Variants in MCFD2 observed in about 807,000 individuals in gnomAD.
The protein encoded by MCFD2 is multiple coagulation factor deficiency 2, ER cargo receptor complex subunit.
A neutral mutation model predicts 12.8 loss-of-function variants in MCFD2; 11 were observed. The observed-to-expected ratio is 0.86, with a 90% CI of 0.54 to 1.42. The LOEUF (loss-of-function observed/expected upper bound fraction) is 1.42, where lower values mean the gene tolerates loss of function less well. Ranked by LOEUF, MCFD2 falls within the 40% of genes most tolerant of loss-of-function variation. The pLI, the probability that MCFD2 is intolerant of heterozygous loss-of-function variation, is 0.00. For synonymous variants in MCFD2, 70 were observed against 68.1 expected (o/e 1.03, Z -0.14); for missense variants, 191 against 178.6 (o/e 1.07, Z -0.40).
chr2:46,917,197 T>C, upstream of MCFD2: 1 of 701,208 alleles, frequency 1.4e-6, no homozygotes, highest in Non-Finnish European at 2.6e-6. Flanking sequence ...AGAGTCTCCA[T>C]GGTGCCCAGC....
chr2:46,918,290 C>A (rs1335639350), upstream of MCFD2, among the ~76,000 whole-genome samples: 1 of 152,176 alleles, frequency 6.6e-6, no homozygotes, highest in Non-Finnish European at 1.5e-5. Flanking sequence ...ATCCCTTTAC[C>A]TTTAAATCCT....
At chr2:46,924,062 A>G (rs1332988410) in intron 1 of MCFD2, among the ~76,000 whole-genome samples, 2 of 152,028 alleles carry the variant, frequency 1.3e-5, no homozygotes, top group Non-Finnish European at 2.9e-5. Context: ...AAAAATAGCC[A>G]GGCGTGGTGG....
At chr2:46,932,778 G>A (rs1265898087) in intron 1 of MCFD2, among the ~76,000 whole-genome samples, 1 of 151,410 alleles carries the variant, frequency 6.6e-6, no homozygotes, top group Non-Finnish European at 1.5e-5. Context: ...GTGCATGCTT[G>A]TAGTCCCAGC....
intron 1 of MCFD2, among the ~76,000 whole-genome samples, chr2:46,925,295 T>C (rs1418608251): frequency 6.6e-6 from 1 of 152,120 alleles, no homozygotes; most frequent in Non-Finnish European, 1.5e-5. Context: ...CAGTGGCTCA[T>C]GCCTATAATC....
Position 46,941,667 on chromosome 2 carries a change from C to G in MCFD2, c.-103G>C. 6.4e-7 allele frequency: 1 copy of G among 1,551,896 alleles called. No individual in the cohort carries two copies. Among genetic ancestry groups the G allele is most frequent in the Non-Finnish European group, 8.7e-7 (1 of 1,148,024 alleles). ...GGCAGCTGCAGACGCTGAGCATGCC[C>G]GGCGGCGGAGGTAACAGGCGAGGCA... On this transcript the variant is annotated 5_prime_UTR_variant, in exon 1 of 3. Transcript: ENST00000409147. The surrounding 1 kb of genome is among the most constrained non-coding windows in gnomAD (Gnocchi z 4.2).
intron 1 of MCFD2, among the ~76,000 whole-genome samples, chr2:46,930,685 A>T (rs1669652322): frequency 6.6e-6 from 1 of 152,088 alleles, no homozygotes; most frequent in Non-Finnish European, 1.5e-5. Context: ...TTTCTAGTAG[A>T]GACAGGGTTT....
Position 46,908,140 on chromosome 2 carries a change from G to A in MCFD2, c.150-171C>T. 1 of 719,672 alleles carries A rather than the reference G, an allele frequency of 1.4e-6. No individual in the cohort carries two copies. The highest frequency in any genetic ancestry group is 2.4e-6 in the Non-Finnish European group (1 of 414,032). The allele number at this position is 719,672 out of a possible 1,614,324, so 44.6% of individuals were successfully genotyped here. On this transcript the variant is annotated intron_variant, in intron 2 of 3. Coordinates refer to ENST00000319466, the MANE Select transcript of MCFD2 (RefSeq NM_139279.6). This position sits in a 1 kb window ranked among gnomAD's most constrained non-coding sequence, Gnocchi z 4.5. The stretch of plus-strand genomic sequence containing the variant: ...CACAGAGATAGACAAGGCCTTGAGA[G>A]GAGCAGGAAAAGTCAAATAGACCAT...
chr2:46,922,402 G>A (rs1558473261), intron 1 of MCFD2, among the ~76,000 whole-genome samples: 1 of 152,124 alleles, frequency 6.6e-6, no homozygotes, highest in Admixed American at 6.6e-5. Context: ...GAGCTTTGAT[G>A]TTTGCTTCTA....
chr2:46,932,513 A>G (rs1405167382), intron 1 of MCFD2, among the ~76,000 whole-genome samples: 2 of 152,296 alleles, frequency 1.3e-5, no homozygotes, highest in Non-Finnish European at 1.5e-5. Context: ...GATTACATCT[A>G]TGCACTTTCT....
intron 1 of MCFD2, among the ~76,000 whole-genome samples, chr2:46,929,560 T>C (rs1261097359): frequency 6.6e-6 from 1 of 152,152 alleles, no homozygotes; most frequent in African/African-American, 2.4e-5. Flanking sequence ...ATAAAGGAAA[T>C]GTAAAAAAAT....
chr2:46,915,628 G>A, intron 1 of MCFD2, 95 bp downstream of exon 1: 1 of 351,504 alleles, frequency 2.8e-6, no homozygotes, highest in Non-Finnish European at 4.0e-6. Flanking sequence ...CGCGCCCCCA[G>A]ACTACTCCTG....
chr2:46,935,284 G>C lies in MCFD2; in HGVS notation c.-8+6288C>G, dbSNP rs532080718. ...GTTCCTCCCCACACTCTTTCATCCT[G>C]AGCCCAGGAGTTCAAGGCTGCAGTG... On this transcript the variant is annotated intron_variant, in intron 1 of 2. Coordinates refer to the MCFD2 transcript ENST00000409147. Among the ~76,000 whole-genome samples the C allele has an allele frequency of 8.9e-4, 135 of 152,200 alleles. 1 individual carries two copies. Among genetic ancestry groups the C allele is most frequent in the Middle Eastern group, 3.4e-3 (1 of 294 alleles).
At chr2:46,911,307 T>C (rs1462019500) in intron 1 of MCFD2, among the ~76,000 whole-genome samples, 1 of 151,854 alleles carries the variant, frequency 6.6e-6, no homozygotes, top group Admixed American at 6.6e-5. Flanking sequence ...TTTGTGTTTT[T>C]AGTAGAGACA....
intron 3 of MCFD2, among the ~76,000 whole-genome samples, chr2:46,906,169 C>A (rs895130095): frequency 1.6e-4 from 24 of 152,160 alleles, no homozygotes; most frequent in Admixed American, 1.0e-3. Flanking sequence ...CCACATCTCC[C>A]ACATTCACCA....
At position 46,941,352 on chromosome 2, in the gene MCFD2, TG is replaced by T. The variant is rs1670347336; in HGVS notation, c.-8+219del. On this transcript the variant is annotated intron_variant, in intron 1 of 2. Transcript: ENST00000409147. The surrounding 1 kb of genome is among the most constrained non-coding windows in gnomAD (Gnocchi z 4.2). ...AGCCCGGAGGCGCCGGGCGGTGCGCTGGGAGCTGCTGGTGCTGCTGCTGCTG... is the reference window on the plus strand; with the variant it reads ...AGCCCGGAGGCGCCGGGCGGTGCGCTGGAGCTGCTGGTGCTGCTGCTGCTG... The T allele has an allele frequency of 6.2e-6, 2 of 322,370 alleles. No homozygotes were observed. The highest frequency in any genetic ancestry group is 9.7e-6 in the Non-Finnish European group (2 of 205,830). 20.0% of individuals were successfully genotyped at this position (322,370 alleles called of 1,614,324 possible). A position where few individuals can be genotyped will look rare whatever the true frequency, so the allele number is the denominator to read the frequency against.
upstream of MCFD2, chr2:46,915,826 CCG>C: frequency 2.4e-6 from 1 of 420,100 alleles, no homozygotes; most frequent in Non-Finnish European, 3.1e-6. Flanking sequence ...CCCCCCCCCC[CCG>C]ACCTGCCCTG....
chr2:46,917,294 G>C, upstream of MCFD2: 1 of 655,766 alleles, frequency 1.5e-6, no homozygotes, highest in Non-Finnish European at 2.7e-6. Context: ...CACCGCGCCG[G>C]GACAAAGAAT....
At position 46,909,024 on chromosome 2, in the gene MCFD2, C is replaced by T. The variant is rs1436617131; in HGVS notation, c.148G>A (p.Glu50Lys). ...GLDKNTVHDQEHIMEHLEGVI... is the reference protein window; with the variant it reads ...GLDKNTVHDQKHIMEHLEGVI... The stretch of plus-strand genomic sequence containing the variant: ...CCACAGCCCGGGCTGAATACGTACT[C>T]TTGGTCGTGCACTGTGTTCTTATCC... The change falls in exon 2 of 4, where the codon GAG (glutamate) becomes AAG (lysine). Residue 50 changes from glutamate to lysine, a missense_variant and splice_region_variant. Glu to Lys is a moderately conservative substitution (Grantham distance 56). Coordinates refer to ENST00000319466, the MANE Select transcript of MCFD2 (RefSeq NM_139279.6). 4 of 1,614,078 alleles carry T rather than the reference C, an allele frequency of 2.5e-6. No homozygotes were observed. The African/African-American group carries it at 5.3e-5, about 22-fold the overall frequency.
upstream of MCFD2, among the ~76,000 whole-genome samples, chr2:46,919,419 G>A (rs984927528): frequency 2.0e-5 from 3 of 152,186 alleles, no homozygotes; most frequent in African/African-American, 7.2e-5. Flanking sequence ...TGTAATCCCA[G>A]ATACTCGGGA....
Sources: gnomAD v4.1 joint callset for allele counts (sites outside exome capture counted in the v4.1 genomes callset) on GRCh38, gnomAD v4.1.1 for gene constraint, Gnocchi (gnomAD v3.1) non-coding constraint, MANE v1.5 for transcripts, NCBI Gene and HGNC (gene_info 2026-07-23, HGNC 2026-07-21) for gene names.